Variants in DSCAM observed in about 807,000 individuals in gnomAD.
DSCAM encodes the protein cell adhesion molecule DSCAM.
In DSCAM, 47 loss-of-function variants were observed where a neutral mutation model predicts 217.7. The ratio of observed to expected loss-of-function variants is 0.22; its 90% confidence interval spans 0.17 to 0.28. The LOEUF (loss-of-function observed/expected upper bound fraction) is 0.28, where lower values mean the gene tolerates loss of function less well. DSCAM is among the 10% of genes least tolerant of loss of function. The pLI is 1.00. For synonymous variants in DSCAM, 1,056 were observed against 1,015.3 expected, an observed-to-expected ratio of 1.04 and a Z score of -0.76; for missense variants, 2,080 against 2,618.3, an observed-to-expected ratio of 0.79 and a Z score of 4.49.
intron 1 of DSCAM, among the ~76,000 whole-genome samples, chr21:40,728,854 G>C (rs1236057857): frequency 6.6e-6 from 1 of 152,146 alleles, no homozygotes; most frequent in Non-Finnish European, 1.5e-5. Context: ...TGAGAAGTCA[G>C]AGCTCTAGAG....
chr21:40,626,688 G>C (rs1487814128), intron 3 of DSCAM, among the ~76,000 whole-genome samples: 2 of 152,238 alleles, frequency 1.3e-5, no homozygotes, highest in South Asian at 2.1e-4. Flanking sequence ...TGTACATAGA[G>C]AGACCTTCCT....
chr21:40,105,291 G>A (rs866146537), intron 20 of DSCAM, among the ~76,000 whole-genome samples: 27 of 152,104 alleles, frequency 1.8e-4, no homozygotes, highest in Non-Finnish European at 8.8e-5. Context: ...AGCTTCAACA[G>A]AAAGATTGAG....
rs190594656 is a variant in DSCAM at position 40,144,375 on chromosome 21, T to C, written c.3259+116A>G. 758 of 1,494,018 alleles carry C rather than the reference T, an allele frequency of 5.1e-4. 3 individuals carry two copies. In the African/African-American group the frequency reaches 7.3e-3, roughly 14 times the overall value. 92.5% of individuals were successfully genotyped at this position (1,494,018 alleles called of 1,614,324 possible). ...CTTTTCCACCCGAGACCCCAGGCCC[T>C]GCAGGTCACTGCAAAGTCGTGGGGC... On this transcript the variant is annotated intron_variant, in intron 17 of 32. Coordinates refer to ENST00000400454, the MANE Select transcript of DSCAM (RefSeq NM_001389.5). This position sits in a 1 kb window ranked among gnomAD's most constrained non-coding sequence, Gnocchi z 4.8.
At chr21:40,041,886 T>C (rs566559912) in intron 32 of DSCAM, among the ~76,000 whole-genome samples, 34 of 152,286 alleles carry the variant, frequency 2.2e-4, no homozygotes, top group African/African-American at 7.5e-4. Flanking sequence ...CCTCTTTCTC[T>C]GGAATCAGGG....
chr21:40,732,613 C>T (rs2091024281), intron 1 of DSCAM, among the ~76,000 whole-genome samples: 1 of 152,180 alleles, frequency 6.6e-6, no homozygotes. Context: ...ATTATTGAGG[C>T]AATTTCAAGT....
chr21:40,090,803 C>T (rs2089598968), intron 21 of DSCAM, among the ~76,000 whole-genome samples: 1 of 152,178 alleles, frequency 6.6e-6, no homozygotes, highest in African/African-American at 2.4e-5. Context: ...CCAGGACATG[C>T]CTCAGTGCAC....
intron 3 of DSCAM, among the ~76,000 whole-genome samples, chr21:40,652,351 A>C (rs776877689): frequency 0.11 from 2,240 of 21,052 alleles, 57 homozygotes; most frequent in African/African-American, 0.24. Context: ...CAACAACAAA[A>C]AAAAAAAAAA....
chr21:40,794,823 A>G (rs1036732344), intron 1 of DSCAM, among the ~76,000 whole-genome samples: 5 of 151,616 alleles, frequency 3.3e-5, no homozygotes, highest in Non-Finnish European at 7.4e-5. Context: ...CCTCCATCAC[A>G]TAAACTTATT....
At chr21:40,412,733 T>C (rs2075334510) in intron 3 of DSCAM, among the ~76,000 whole-genome samples, 1 of 152,212 alleles carries the variant, frequency 6.6e-6, no homozygotes, top group South Asian at 2.1e-4. Flanking sequence ...AAATATATTC[T>C]GAGGAAAAAT....
chr21:40,790,270 C>T (rs1601262966), intron 1 of DSCAM, among the ~76,000 whole-genome samples: 1 of 151,654 alleles, frequency 6.6e-6, no homozygotes, highest in East Asian at 1.9e-4. Context: ...CAACCTCCAC[C>T]TCCCGGGTTC....
chr21:40,102,701 T>C (rs1281792517), intron 20 of DSCAM, among the ~76,000 whole-genome samples: 1 of 152,246 alleles, frequency 6.6e-6, no homozygotes, highest in Admixed American at 6.5e-5. Context: ...TCTTTGGTCA[T>C]GTCTATAAAA....
intron 16 of DSCAM, among the ~76,000 whole-genome samples, chr21:40,145,302 A>G (rs2090341498): frequency 6.6e-6 from 1 of 152,154 alleles, no homozygotes; most frequent in African/African-American, 2.4e-5. Context: ...CTTACATTCT[A>G]AGGAAATATC....
At chr21:40,312,026 A>C in intron 9 of DSCAM, 55 bp downstream of exon 9, 4 of 1,567,478 alleles carry the variant, frequency 2.6e-6, no homozygotes, top group Non-Finnish European at 3.5e-6. Context: ...CATCATCTTA[A>C]ACCATTGTTA....
At chr21:40,166,088 G>A (rs1319912183) in intron 16 of DSCAM, among the ~76,000 whole-genome samples, 1 of 152,148 alleles carries the variant, frequency 6.6e-6, no homozygotes, top group Non-Finnish European at 1.5e-5. Flanking sequence ...ACCAAAGGTG[G>A]TATCCGCCCC....
chr21:40,347,169 A>G (rs1380384615), intron 6 of DSCAM, among the ~76,000 whole-genome samples: 6 of 151,924 alleles, frequency 3.9e-5, no homozygotes, highest in African/African-American at 1.5e-4. Context: ...GTGGTGGTGC[A>G]TGCCTGTAAT....
Position 40,820,106 on chromosome 21 carries a change from C to T in DSCAM, c.43+26513G>A, listed in dbSNP as rs112197062. On this transcript the variant is annotated intron_variant, in intron 1 of 32. Coordinates refer to ENST00000400454, the MANE Select transcript of DSCAM (RefSeq NM_001389.5). ...GGGGTCATGCCCAGCAATCCCATTACGGGGTATATACCCAGAGGGTTATAA... is the reference window on the plus strand; with the variant it reads ...GGGGTCATGCCCAGCAATCCCATTATGGGGTATATACCCAGAGGGTTATAA... Among the ~76,000 whole-genome samples the T allele has an allele frequency of 3.0e-4, 45 of 152,236 alleles. 1 individual carries two copies. The East Asian group carries it at 5.2e-3, about 18-fold the overall frequency.
chr21:40,710,239 T>C (rs916511259), intron 1 of DSCAM, among the ~76,000 whole-genome samples: 1 of 152,028 alleles, frequency 6.6e-6, no homozygotes, highest in Non-Finnish European at 1.5e-5. Flanking sequence ...AAAAGCACCA[T>C]TATCAGAAAA....
At chr21:40,687,510 C>T (rs1042413781) in intron 3 of DSCAM, among the ~76,000 whole-genome samples, 1 of 152,026 alleles carries the variant, frequency 6.6e-6, no homozygotes, top group East Asian at 1.9e-4. Context: ...CAGAGGCCCC[C>T]CACAGCATGA....
intron 11 of DSCAM, among the ~76,000 whole-genome samples, chr21:40,262,917 A>T (rs1402770644): frequency 1.3e-5 from 2 of 152,222 alleles, no homozygotes; most frequent in Non-Finnish European, 2.9e-5. Context: ...TGCACCTTGG[A>T]GCTTTCTTGC....
Sources: gnomAD v4.1 joint callset for allele counts (sites outside exome capture counted in the v4.1 genomes callset) on GRCh38, gnomAD v4.1.1 for gene constraint, Gnocchi (gnomAD v3.1) non-coding constraint, MANE v1.5 for transcripts, NCBI Gene and HGNC (gene_info 2026-07-23, HGNC 2026-07-21) for gene names.